RUNDC3B: variants seen among roughly 807,000 people sequenced by gnomAD.
The protein encoded by RUNDC3B is RUN domain-containing protein 3B.
Under a neutral mutation model 58.4 loss-of-function variants are expected in RUNDC3B, and 33 were observed. That is an observed-to-expected ratio of 0.56 (90% confidence interval 0.43 to 0.75). The LOEUF (loss-of-function observed/expected upper bound fraction) is 0.75, where lower values mean the gene tolerates loss of function less well. Ranked by LOEUF, RUNDC3B falls within the 30% of genes least tolerant of loss-of-function variation. The probability of loss-of-function intolerance (pLI) is 0.00; values close to 1 mark genes in which losing one functional copy is unlikely to be tolerated. For synonymous variants in RUNDC3B, 193 were observed against 195.2 expected, an observed-to-expected ratio of 0.99 and a Z score of 0.10; for missense variants, 501 against 535.7, an observed-to-expected ratio of 0.94 and a Z score of 0.64.
At chr7:87,650,732 CTCT>C in intron 1 of RUNDC3B, 87 bp from the exon 2 acceptor site, 1 of 745,848 alleles carries the variant, frequency 1.3e-6, no homozygotes, top group Non-Finnish European at 2.4e-6. Flanking sequence ...ATTTTTACAA[CTCT>C]TCCCCAAATT....
chr7:87,794,802 T>C (rs1835727667), intron 8 of RUNDC3B, among the ~76,000 whole-genome samples: 2 of 152,084 alleles, frequency 1.3e-5, no homozygotes, highest in South Asian at 4.1e-4. Context: ...CAGTGGAATA[T>C]AATAGACAAC....
At chr7:87,748,517 A>G (rs914995682) in intron 6 of RUNDC3B, among the ~76,000 whole-genome samples, 2 of 152,110 alleles carry the variant, frequency 1.3e-5, no homozygotes, top group Admixed American at 6.6e-5. Context: ...ATGATCTACA[A>G]TCTTTATATA....
intron 1 of RUNDC3B, among the ~76,000 whole-genome samples, chr7:87,632,360 C>T (rs1291577851): frequency 6.6e-6 from 1 of 152,084 alleles, no homozygotes; most frequent in East Asian, 1.9e-4. Context: ...AATTTTGGCT[C>T]ATGTGTGATT....
At chr7:87,710,096 A>T (rs1442210099) in intron 3 of RUNDC3B, among the ~76,000 whole-genome samples, 1 of 152,144 alleles carries the variant, frequency 6.6e-6, no homozygotes, top group Non-Finnish European at 1.5e-5. Context: ...TTTTATTACT[A>T]GTTGTATAAA....
At chr7:87,696,883 T>C (rs1003615694) in intron 2 of RUNDC3B, among the ~76,000 whole-genome samples, 1 of 152,214 alleles carries the variant, frequency 6.6e-6, no homozygotes, top group South Asian at 2.1e-4. Context: ...GTGCCCTACC[T>C]ATAGCAGGAG....
intron 3 of RUNDC3B, among the ~76,000 whole-genome samples, chr7:87,706,757 G>T (rs1829627894): frequency 6.6e-6 from 1 of 152,138 alleles, no homozygotes; most frequent in Non-Finnish European, 1.5e-5. Flanking sequence ...GCTTGGAACT[G>T]CCACTGAACA....
At chr7:87,791,902 C>T (rs1835541726) in intron 8 of RUNDC3B, among the ~76,000 whole-genome samples, 1 of 151,938 alleles carries the variant, frequency 6.6e-6, no homozygotes, top group African/African-American at 2.4e-5. Context: ...ACTAAACTCT[C>T]CAACGAAAAG....
At chr7:87,703,759 CCT>C (rs1477294690) in intron 3 of RUNDC3B, among the ~76,000 whole-genome samples, 2 of 151,748 alleles carry the variant, frequency 1.3e-5, no homozygotes, top group Non-Finnish European at 1.5e-5. Context: ...TGTCCTTTGA[CCT>C]CTGTTTCCTC....
chr7:87,628,439 T>G lies in RUNDC3B; in HGVS notation c.-385T>G. 3 of 160,568 alleles carry G rather than the reference T, an allele frequency of 1.9e-5. No homozygotes were observed. Among genetic ancestry groups the G allele is most frequent in the Non-Finnish European group, 2.7e-5 (2 of 74,020 alleles). 9.9% of individuals were successfully genotyped at this position (160,568 alleles called of 1,614,324 possible). On this transcript the variant is annotated 5_prime_UTR_variant, in exon 1 of 11. Coordinates refer to ENST00000394654, the MANE Select transcript of RUNDC3B (RefSeq NM_001134405.2). ...CTGGGGCACGAGTGGCTGCGGAGTG[T>G]GGGTGGTTGGGCGTGAGGGGCCGAC... is the stretch of plus-strand genomic sequence containing the variant.
At chr7:87,701,976 T>C (rs1398958147) in intron 3 of RUNDC3B, among the ~76,000 whole-genome samples, 1 of 151,678 alleles carries the variant, frequency 6.6e-6, no homozygotes, top group Non-Finnish European at 1.5e-5. Context: ...ACCCCGTCTC[T>C]ACTGAAAATA....
At chr7:87,753,830 A>T (rs1032204181) in intron 6 of RUNDC3B, among the ~76,000 whole-genome samples, 1 of 152,140 alleles carries the variant, frequency 6.6e-6, no homozygotes, top group African/African-American at 2.4e-5. Flanking sequence ...AACTTATTCT[A>T]CATAGAGGAG....
rs776074555 is a variant in RUNDC3B, at chr7:87,741,631, T to C, written c.629+52T>C. 2.9e-6 allele frequency: 3 copies of C among 1,030,674 alleles called. No individual in the cohort carries two copies. In the South Asian group the frequency reaches 4.4e-5, roughly 15 times the overall value. 63.8% of individuals were successfully genotyped at this position (1,030,674 alleles called of 1,614,324 possible). A position where few individuals can be genotyped will look rare whatever the true frequency, so the allele number is the denominator to read the frequency against. ...TTAAAATCTTATTTAAAATTGAATG[T>C]CTTGTGCAATGTTTGTCTGATCAAA... On this transcript the variant is annotated intron_variant, in intron 6 of 10. Transcript: ENST00000394654.
intron 2 of RUNDC3B, among the ~76,000 whole-genome samples, chr7:87,667,697 G>A (rs562554101): frequency 2.0e-5 from 3 of 152,064 alleles, no homozygotes; most frequent in South Asian, 4.2e-4. Flanking sequence ...AACATGAAGC[G>A]GTGTTGAATT....
Position 87,637,820 on chromosome 7 carries a change from A to T in RUNDC3B, c.122+8875A>T, listed in dbSNP as rs184523984. 3.8e-3 allele frequency among the ~76,000 whole-genome samples: 573 copies of T among 151,172 alleles called. 3 individuals are homozygous for T. Among genetic ancestry groups the T allele is most frequent in the African/African-American group, 0.013 (552 of 41,292 alleles). On this transcript the variant is annotated intron_variant, in intron 1 of 10. Transcript: ENST00000394654. Reference sequence around the variant, plus strand: ...TTCTAACAGATTTTTTGCAGTTAAAATTTTTTTTTCTGAGTGCACAGTCAT... The same window carrying T: ...TTCTAACAGATTTTTTGCAGTTAAATTTTTTTTTTCTGAGTGCACAGTCAT...
At chr7:87,804,701 T>C (rs1836350365) in intron 8 of RUNDC3B, among the ~76,000 whole-genome samples, 1 of 152,154 alleles carries the variant, frequency 6.6e-6, no homozygotes, top group Admixed American at 6.5e-5. Flanking sequence ...ATAGAATCTA[T>C]CACATATAAA....
At chr7:87,649,580 G>A (rs926131765) in intron 1 of RUNDC3B, among the ~76,000 whole-genome samples, 4 of 152,110 alleles carry the variant, frequency 2.6e-5, no homozygotes, top group African/African-American at 9.7e-5. Flanking sequence ...AAAATACATT[G>A]ATTTTTGACA....
intron 2 of RUNDC3B, among the ~76,000 whole-genome samples, chr7:87,678,892 T>A (rs887190720): frequency 1.3e-5 from 2 of 151,982 alleles, no homozygotes; most frequent in African/African-American, 4.8e-5. Flanking sequence ...AAAACCAAAG[T>A]ATGTATGCAG....
chr7:87,720,389 C>G (rs1489207974), intron 4 of RUNDC3B, among the ~76,000 whole-genome samples: 1 of 151,958 alleles, frequency 6.6e-6, no homozygotes, highest in African/African-American at 2.4e-5. Context: ...GGAAAATGCA[C>G]TCCCATGAAC....
chr7:87,752,430 G>C (rs1293732881), intron 6 of RUNDC3B, among the ~76,000 whole-genome samples: 1 of 152,080 alleles, frequency 6.6e-6, no homozygotes, highest in Non-Finnish European at 1.5e-5. Flanking sequence ...CTATTGATTG[G>C]AATAGTTTCA....
Sources: gnomAD v4.1 joint callset for allele counts (sites outside exome capture counted in the v4.1 genomes callset) on GRCh38, gnomAD v4.1.1 for gene constraint, MANE v1.5 for transcripts, NCBI Gene and HGNC (gene_info 2026-07-23, HGNC 2026-07-21) for gene names.